ARL6IP6: variants seen among roughly 807,000 people sequenced by gnomAD.
The protein encoded by ARL6IP6 is ADP-ribosylation factor-like protein 6-interacting protein 6.
A neutral mutation model predicts 21.5 loss-of-function variants in ARL6IP6; 22 were observed. The observed-to-expected ratio is 1.02, with a 90% CI of 0.73 to 1.46. ARL6IP6 has a LOEUF of 1.46. Among genes scored for constraint, ARL6IP6 ranks in the 40% most tolerant of loss-of-function variants. ARL6IP6 has a pLI of 0.00. For missense variants in ARL6IP6, 388 were observed against 299.8 expected (o/e 1.29, Z -2.17); for synonymous variants, 164 against 125.3 (o/e 1.31, Z -2.06).
At chr2:152,738,463 T>C (rs973456152) in intron 3 of ARL6IP6, among the ~76,000 whole-genome samples, 4 of 152,210 alleles carry the variant, frequency 2.6e-5, no homozygotes, top group South Asian at 4.1e-4. Flanking sequence ...GCTCCACCCC[T>C]ATAGCACACC....
chr2:152,742,285 G>T (rs1339504205), intron 3 of ARL6IP6, among the ~76,000 whole-genome samples: 3 of 152,056 alleles, frequency 2.0e-5, no homozygotes, highest in Non-Finnish European at 4.4e-5. Context: ...AGATAATCGT[G>T]GGCTGGGCAT....
At chr2:152,744,476 C>A (rs954452424) in intron 3 of ARL6IP6, among the ~76,000 whole-genome samples, 1 of 152,108 alleles carries the variant, frequency 6.6e-6, no homozygotes, top group Admixed American at 6.5e-5. Context: ...ATATAGGGTT[C>A]ATGGCCAAAA....
chr2:152,727,747 A>G (rs1700110965), intron 2 of ARL6IP6, among the ~76,000 whole-genome samples: 1 of 111,550 alleles, frequency 9.0e-6, no homozygotes, highest in Non-Finnish European at 2.1e-5. Context: ...TTGGAATAAT[A>G]GGATATAACT....
chr2:152,750,523 C>T lies in ARL6IP6; in HGVS notation c.588-9224C>T, dbSNP rs544345196. Among the ~76,000 whole-genome samples, 6 of 149,262 alleles carry T rather than the reference C, an allele frequency of 4.0e-5. No homozygotes were observed. In the East Asian group the frequency reaches 5.9e-4, roughly 15 times the overall value. ...GAGAGAGAAAGGAAGGGAGGGAGGG[C>T]GGAAGGAAGGAAATGGAAGGAAATA... is the stretch of plus-strand genomic sequence containing the variant. On this transcript the variant is annotated intron_variant, in intron 3 of 3. Coordinates refer to ENST00000326446, the MANE Select transcript of ARL6IP6 (RefSeq NM_152522.7).
chr2:152,728,684 A>G (rs1239299116), intron 2 of ARL6IP6, among the ~76,000 whole-genome samples: 1 of 152,190 alleles, frequency 6.6e-6, no homozygotes, highest in Admixed American at 6.6e-5. Context: ...AGGGATTGGG[A>G]TAGGAAATTC....
intron 3 of ARL6IP6, among the ~76,000 whole-genome samples, chr2:152,758,488 T>C (rs1440649839): frequency 6.6e-6 from 1 of 152,006 alleles, no homozygotes. Flanking sequence ...ATTTGAGGAA[T>C]TTCTTTTTTA....
At chr2:152,726,048 T>A (rs560341124) in intron 2 of ARL6IP6, among the ~76,000 whole-genome samples, 8 of 152,338 alleles carry the variant, frequency 5.3e-5, no homozygotes, top group Non-Finnish European at 8.8e-5. Context: ...GGATTGCCCA[T>A]GAATTAATTG....
intron 2 of ARL6IP6, among the ~76,000 whole-genome samples, chr2:152,725,489 A>G (rs1055606656): frequency 6.6e-5 from 10 of 152,218 alleles, no homozygotes; most frequent in African/African-American, 2.4e-4. Flanking sequence ...AAAAAAATGC[A>G]AAAAAGAATT....
At chr2:152,742,221 T>TCCTGATGTTAGATGATCTA (rs1700844313) in intron 3 of ARL6IP6, among the ~76,000 whole-genome samples, 1 of 152,188 alleles carries the variant, frequency 6.6e-6, no homozygotes, top group Non-Finnish European at 1.5e-5. Flanking sequence ...TGCATCTAAC[T>TCCTGATGTTAGATGATCTA]ATGTTACCTA....
At chr2:152,722,510 T>C (rs886464324) in intron 2 of ARL6IP6, among the ~76,000 whole-genome samples, 2 of 152,146 alleles carry the variant, frequency 1.3e-5, no homozygotes, top group African/African-American at 4.8e-5. Flanking sequence ...GATGTATGTA[T>C]TATAACATAT....
At chr2:152,724,083 A>G (rs1381417374) in intron 2 of ARL6IP6, among the ~76,000 whole-genome samples, 2 of 147,764 alleles carry the variant, frequency 1.4e-5, no homozygotes, top group Non-Finnish European at 3.0e-5. Flanking sequence ...ACCTATTTGT[A>G]TTATTCAAGA....
intron 3 of ARL6IP6, among the ~76,000 whole-genome samples, chr2:152,755,518 A>G (rs572110806): frequency 2.0e-5 from 3 of 152,334 alleles, no homozygotes; most frequent in African/African-American, 7.2e-5. Flanking sequence ...AATTAGTGAA[A>G]GTACTAAAAG....
At chr2:152,740,983 C>T (rs1405622115) in intron 3 of ARL6IP6, among the ~76,000 whole-genome samples, 1 of 152,146 alleles carries the variant, frequency 6.6e-6, no homozygotes, top group Non-Finnish European at 1.5e-5. Context: ...AGGGAAACAA[C>T]TTCTCCACAT....
At chr2:152,725,546 G>T (rs1274096343) in intron 2 of ARL6IP6, among the ~76,000 whole-genome samples, 2 of 152,018 alleles carry the variant, frequency 1.3e-5, no homozygotes, top group East Asian at 1.9e-4. Context: ...ATGAAAATAT[G>T]TTACAAATTA....
At chr2:152,728,259 T>C (rs996394842) in intron 2 of ARL6IP6, among the ~76,000 whole-genome samples, 1 of 152,228 alleles carries the variant, frequency 6.6e-6, no homozygotes, top group East Asian at 1.9e-4. Flanking sequence ...GACTTGGAAA[T>C]TACTAGTATA....
upstream of ARL6IP6, chr2:152,717,704 C>T (rs1699192585): frequency 7.2e-7 from 1 of 1,386,702 alleles, no homozygotes; most frequent in Admixed American, 3.0e-5. Context: ...TACCAACTTC[C>T]CCAGGGGAAG....
chr2:152,720,302 T>C (rs910136346), intron 1 of ARL6IP6: 13 of 550,294 alleles, frequency 2.4e-5, no homozygotes, highest in Non-Finnish European at 3.9e-5. Flanking sequence ...CCTTAGGGAA[T>C]AAACAGTACT....
In ARL6IP6 at chr2:152,746,821, C is replaced by CTTTTTTTTTTTTTTTTTTTT. The variant is rs61506535; in HGVS notation, c.587+11700_587+11719dup. On this transcript the variant is annotated intron_variant, in intron 3 of 3. Coordinates refer to ENST00000326446, the MANE Select transcript of ARL6IP6 (RefSeq NM_152522.7). Reference sequence around the variant, plus strand: ...TATTTATCCTGAGATTTTATCCTTTCTTTTTTTTTTTTTTTTTTTTTTTTG... The same window carrying CTTTTTTTTTTTTTTTTTTTT: ...TATTTATCCTGAGATTTTATCCTTTCTTTTTTTTTTTTTTTTTTTTTTTTTTTTTTTTTTTTTTTTTTTTG... Among the ~76,000 whole-genome samples, 11 of 33,080 alleles carry CTTTTTTTTTTTTTTTTTTTT rather than the reference C, an allele frequency of 3.3e-4. 1 individual carries two copies. The highest frequency in any genetic ancestry group is 1.4e-3 in the East Asian group (2 of 1,424). The allele number at this position is 33,080 out of a possible 152,430, so 21.7% of individuals were successfully genotyped here.
At position 152,752,176 on chromosome 2, in the gene ARL6IP6, T is replaced by C. The variant is rs544057089; in HGVS notation, c.588-7571T>C. On this transcript the variant is annotated intron_variant, in intron 3 of 3. Transcript: ENST00000326446. Reference sequence around the variant, plus strand: ...CAATGAATAAAAATTACATATTCTCTATTCAGTCTTTTCAAACCCCTCTAC... The same window carrying C: ...CAATGAATAAAAATTACATATTCTCCATTCAGTCTTTTCAAACCCCTCTAC... 4.3e-4 allele frequency among the ~76,000 whole-genome samples: 65 copies of C among 152,350 alleles called. 1 individual carries two copies. The highest frequency in any genetic ancestry group is 1.4e-3 in the African/African-American group (57 of 41,586).
Sources: gnomAD v4.1 joint callset for allele counts (sites outside exome capture counted in the v4.1 genomes callset) on GRCh38, gnomAD v4.1.1 for gene constraint, MANE v1.5 for transcripts, NCBI Gene and HGNC (gene_info 2026-07-23, HGNC 2026-07-21) for gene names.